The following DNHD1 variants were observed in gnomAD, a reference collection of about 807,000 sequenced individuals.
DNHD1 encodes dynein heavy chain domain-containing protein 1.
DNHD1 carries 383 observed loss-of-function variants against 458.1 expected under a neutral mutation model. That is an observed-to-expected ratio of 0.84 (90% CI 0.77 to 0.91). DNHD1 has a LOEUF of 0.91. Ranked by LOEUF, DNHD1 falls within the 40% of genes least tolerant of loss-of-function variation. DNHD1 has a pLI of 0.00. For missense variants in DNHD1, 5,336 were observed against 5,866.1 expected (o/e 0.91, Z 2.95); for synonymous variants, 2,203 against 2,376.9 (o/e 0.93, Z 2.13).
chr11:6,510,345 A>T (rs1415082693), intron 6 of DNHD1, among the ~76,000 whole-genome samples: 1 of 152,124 alleles, frequency 6.6e-6, no homozygotes, highest in African/African-American at 2.4e-5. Flanking sequence ...TCGACCTCCC[A>T]AAGTGCTGGG....
At position 6,498,476 on chromosome 11, in the gene DNHD1, A is replaced by T; in HGVS notation, c.261A>T (p.Val87=). ...SPAAWRYLHA[V]LGLLPPYREL... is the part of the protein sequence containing the mutation. Reference sequence around the variant, plus strand: ...CAGCTTGGCGCTATCTTCATGCAGTACTGGGTCTACTGCCTCCATATCGTG... The same window carrying T: ...CAGCTTGGCGCTATCTTCATGCAGTTCTGGGTCTACTGCCTCCATATCGTG... The change falls in exon 3 of 43, where the codon GTA becomes GTT. Residue 87 remains valine, a synonymous_variant. Transcript: ENST00000254579. The T allele has an allele frequency of 6.2e-7, 1 of 1,614,210 alleles. No individual in the cohort carries two copies.
At position 6,520,076 on chromosome 11, in the gene DNHD1, C is replaced by T; in HGVS notation, c.1759C>T (p.Gln587Ter). 6.2e-7 allele frequency: 1 copy of T among 1,614,220 alleles called. No homozygotes were observed. The highest frequency in any genetic ancestry group is 8.5e-7 in the Non-Finnish European group (1 of 1,180,040). Residue 587 changes from glutamine to a stop codon, truncating the protein, a stop_gained, in exon 9 of 43, where the codon CAG (glutamine) becomes TAG (stop). Transcript: ENST00000254579. LOFTEE classifies it high-confidence loss of function. Reference sequence around the variant, plus strand: ...GATCCAGACTCTAACTGGAGGCCTACAGTCTGTCAAGACCTCTGCCTTGCA... The same window carrying T: ...GATCCAGACTCTAACTGGAGGCCTATAGTCTGTCAAGACCTCTGCCTTGCA... ...NMIQTLTGGLQSVKTSALQVV... is the reference protein window; with the variant it reads ...NMIQTLTGGL
Position 6,519,453 on chromosome 11 carries a change from G to C in DNHD1, c.1393-147G>C, listed in dbSNP as rs1335727414. 5 of 830,952 alleles carry C rather than the reference G, an allele frequency of 6.0e-6. No individual in the cohort carries two copies. The African/African-American group carries it at 6.8e-5, about 11-fold the overall frequency. 51.5% of individuals were successfully genotyped at this position (830,952 alleles called of 1,614,324 possible). A position where few individuals can be genotyped will look rare whatever the true frequency, so the allele number is the denominator to read the frequency against. On this transcript the variant is annotated intron_variant, in intron 7 of 42. Coordinates refer to ENST00000254579, the MANE Select transcript of DNHD1 (RefSeq NM_144666.3). Reference sequence around the variant, plus strand: ...AAATAAAATTTGAGGGGGTGGGGTAGGGTAAACTCTACTAAAAAGGAGCCC... The same window carrying C: ...AAATAAAATTTGAGGGGGTGGGGTACGGTAAACTCTACTAAAAAGGAGCCC...
At chr11:6,532,675 C>T (rs1006410928) in intron 12 of DNHD1, among the ~76,000 whole-genome samples, 1 of 152,154 alleles carries the variant, frequency 6.6e-6, no homozygotes, top group Non-Finnish European at 1.5e-5. Flanking sequence ...CAGGATACCC[C>T]CCGGCACCCC....
chr11:6,536,757 GTTTGTC>G (rs1484148775), intron 14 of DNHD1, among the ~76,000 whole-genome samples: 1 of 152,138 alleles, frequency 6.6e-6, no homozygotes, highest in African/African-American at 2.4e-5. Context: ...TTAATCCCCA[GTTTGTC>G]TTTATCTTTT....
intron 28 of DNHD1, among the ~76,000 whole-genome samples, chr11:6,559,750 A>C: frequency 6.6e-6 from 1 of 152,216 alleles, no homozygotes; most frequent in Non-Finnish European, 1.5e-5. Context: ...AGCAGGGAGA[A>C]ATTTGTATTA....
rs576485479 is a variant in DNHD1, at chr11:6,563,977, G to A, written c.10137G>A (p.Leu3379=). The A allele has an allele frequency of 4.5e-6, 7 of 1,551,752 alleles. No individual in the cohort carries two copies. The East Asian group carries it at 1.2e-4, about 27-fold the overall frequency. Residue 3379 remains leucine, a synonymous_variant, in exon 31 of 43, where the codon TTG becomes TTA. Coordinates refer to ENST00000254579, the MANE Select transcript of DNHD1 (RefSeq NM_144666.3). The stretch of plus-strand genomic sequence containing the variant: ...CCCAGGAGACCCTGGAGCATAATTT[G>A]GCCCTGGCTAAGATGGTGGAGGATG... ...FQAQETLEHN[L]ALAKMVEDAQ...
Position 6,544,225 on chromosome 11 carries a change from G to A in DNHD1, c.3733G>A (p.Val1245Met), listed in dbSNP as rs1853158917. 4.5e-6 allele frequency: 7 copies of A among 1,551,596 alleles called. No individual in the cohort carries two copies. The highest frequency in any genetic ancestry group is 3.3e-4 in the Middle Eastern group (2 of 5,992). ...GDLNKIALEW[V>M]AIMHGLGALL... ...TTTAAACAAAATAGCTTTGGAGTGG[G>A]TGGCCATCATGCATGGCCTGGGTAA... The change falls in exon 19 of 43, where the codon GTG (valine) becomes ATG (methionine). Residue 1245 changes from valine (V) to methionine (M), a missense_variant. Physicochemically the swap from Val to Met is conservative, Grantham distance 21 (BLOSUM62 1). This residue lies in a region of DNHD1 where 3,932 missense variants were observed against 4,365.6 expected (regional missense o/e 0.90). Coordinates refer to ENST00000254579, the MANE Select transcript of DNHD1 (RefSeq NM_144666.3).
In DNHD1 at chr11:6,568,562, G is replaced by A. The variant is rs376979413; in HGVS notation, c.12647G>A (p.Ser4216Asn). 3 of 1,613,888 alleles carry A rather than the reference G, an allele frequency of 1.9e-6. No homozygotes were observed. Among genetic ancestry groups the A allele is most frequent in the African/African-American group, 2.7e-5 (2 of 74,924 alleles). ...RLWLIVPAES[S>N]ASLPAVLTQH... ...TGGCTTATTGTGCCTGCAGAGTCTAGTGCTTCTTTGCCAGGTGAGGAGCTT... is the reference window on the plus strand; with the variant it reads ...TGGCTTATTGTGCCTGCAGAGTCTAATGCTTCTTTGCCAGGTGAGGAGCTT... The change falls in exon 38 of 43, where the codon AGT becomes AAT. Residue 4216 changes from serine (S) to asparagine (N), a missense_variant. Transcript: ENST00000254579.
intron 3 of DNHD1, among the ~76,000 whole-genome samples, chr11:6,500,786 T>G (rs1852117523): frequency 6.6e-6 from 1 of 152,248 alleles, no homozygotes; most frequent in African/African-American, 2.4e-5. Flanking sequence ...TGCAAGATGC[T>G]AGGGATACAG....
intron 24 of DNHD1, among the ~76,000 whole-genome samples, chr11:6,550,922 A>T (rs545996770): frequency 6.6e-6 from 1 of 152,340 alleles, no homozygotes; most frequent in South Asian, 2.1e-4. Flanking sequence ...ATATTAAGAA[A>T]TTAATATGCC....
At chr11:6,540,566 C>A (rs1487441199) in intron 18 of DNHD1, among the ~76,000 whole-genome samples, 2 of 152,194 alleles carry the variant, frequency 1.3e-5, no homozygotes, top group African/African-American at 4.8e-5. Context: ...ACAGACAATA[C>A]TATAGGGATA....
chr11:6,511,431 TA>T lies in DNHD1; in HGVS notation c.1392+4del. The T allele has an allele frequency of 6.2e-7, 1 of 1,613,830 alleles. No homozygotes were observed. The highest frequency in any genetic ancestry group is 8.5e-7 in the Non-Finnish European group (1 of 1,179,784). ...CTCTGCACATCCATTCTTCGACTGG[TA>T]AGAGGCTCTTAGTTTATTGTGGACC... is the stretch of plus-strand genomic sequence containing the variant. On this transcript the variant is annotated splice_donor_region_variant and intron_variant, in intron 7 of 42. Transcript: ENST00000254579.
chr11:6,498,971 G>A lies in DNHD1; in HGVS notation c.746+10G>A, dbSNP rs922151274. The stretch of plus-strand genomic sequence containing the variant: ...GAAGAAAAGAGACCAGGTAAGTGAG[G>A]GACTCAGTCTAGGGCTTGAGCAGAG... On this transcript the variant is annotated intron_variant, in intron 3 of 42. Transcript: ENST00000254579. 2 of 1,588,842 alleles carry A rather than the reference G, an allele frequency of 1.3e-6. No homozygotes were observed. The highest frequency in any genetic ancestry group is 1.8e-5 in the Admixed American group (1 of 57,030).
At chr11:6,543,056 T>C (rs1264538870) in intron 18 of DNHD1, among the ~76,000 whole-genome samples, 1 of 152,186 alleles carries the variant, frequency 6.6e-6, no homozygotes, top group African/African-American at 2.4e-5. Flanking sequence ...ATGGGCCTCT[T>C]TGCCTCCTCA....
rs769501002 is a variant in DNHD1 at position 6,563,817 on chromosome 11, T to C, written c.9977T>C (p.Leu3326Pro). Residue 3326 changes from leucine to proline, a missense_variant, in exon 31 of 43, where the codon CTG becomes CCG. Physicochemically the swap from Leu to Pro is moderately conservative, Grantham distance 98. Around this residue, in one of 4 missense-constraint regions of DNHD1, gnomAD observed 3,932 missense variants for 4,365.6 expected, o/e 0.90. Coordinates refer to ENST00000254579, the MANE Select transcript of DNHD1 (RefSeq NM_144666.3). ...LRAVSRPAAS[L>P]AAWLWAVLHY... ...GCAGTGAGCCGACCTGCAGCCAGCC[T>C]GGCAGCCTGGCTCTGGGCTGTTCTG... 1.9e-6 allele frequency: 3 copies of C among 1,551,676 alleles called. No individual in the cohort carries two copies. Among genetic ancestry groups the C allele is most frequent in the Non-Finnish European group, 1.7e-6 (2 of 1,146,996 alleles).
intron 4 of DNHD1, among the ~76,000 whole-genome samples, chr11:6,506,601 A>G (rs1387287894): frequency 1.3e-5 from 2 of 151,984 alleles, no homozygotes; most frequent in Non-Finnish European, 2.9e-5. Context: ...TTTTAATTGC[A>G]TTTTCTCCAG....
intron 7 of DNHD1, among the ~76,000 whole-genome samples, chr11:6,518,528 T>G (rs73404906): frequency 6.6e-6 from 1 of 152,198 alleles, no homozygotes; most frequent in African/African-American, 2.4e-5. Context: ...TATACATTCT[T>G]TTTACAAACA....
At chr11:6,497,367 C>T (rs1852047769) in intron 1 of DNHD1, 36 bp downstream of exon 1, 1 of 152,556 alleles carries the variant, frequency 6.6e-6, no homozygotes, top group Non-Finnish European at 1.5e-5. Flanking sequence ...TCTCTTTGTT[C>T]CCTAGGACCC....
Sources: gnomAD v4.1 joint callset for allele counts (sites outside exome capture counted in the v4.1 genomes callset) on GRCh38, gnomAD v4.1.1 for gene constraint, gnomAD v4.1.1 regional missense constraint, MANE v1.5 for transcripts, NCBI Gene and HGNC (gene_info 2026-07-23, HGNC 2026-07-21) for gene names.